The following BPIFB3 variants were observed in gnomAD, a reference collection of about 807,000 sequenced individuals.
The protein encoded by BPIFB3 is BPI fold-containing family B member 3.
Under a neutral mutation model 53.1 loss-of-function variants are expected in BPIFB3, and 49 were observed. That is an observed-to-expected ratio of 0.92 (90% CI 0.73 to 1.17). The LOEUF is 1.17. Ranked by LOEUF, BPIFB3 falls within the 50% of genes most tolerant of loss-of-function variation. The pLI is 0.00. For missense variants in BPIFB3, 628 were observed against 592.5 expected (o/e 1.06, Z -0.62); for synonymous variants, 271 against 269.6 (o/e 1.01, Z -0.05).
At chr20:33,067,837 A>C (rs959407185) in intron 9 of BPIFB3, among the ~76,000 whole-genome samples, 1 of 152,234 alleles carries the variant, frequency 6.6e-6, no homozygotes, top group Non-Finnish European at 1.5e-5. Context: ...ATGTGGCTTC[A>C]GATTCTGTGG....
At chr20:33,064,459 C>T (rs951865041) in exon 7 of BPIFB3, 1 of 1,613,910 alleles carries the variant, frequency 6.2e-7, no homozygotes, top group Non-Finnish European at 8.5e-7. Context: ...CCACGCAGGC[C>T]TGGTGTCCCT....
chr20:33,068,040 C>T (rs536563005), intron 9 of BPIFB3, among the ~76,000 whole-genome samples: 1 of 152,300 alleles, frequency 6.6e-6, no homozygotes, highest in Admixed American at 6.5e-5. Context: ...TGATTGTGTG[C>T]CTCATTTAGG....
intron 2 of BPIFB3, 52 bp from the exon 4 acceptor site, chr20:33,059,326 C>T (rs1275088495): frequency 3.5e-6 from 5 of 1,438,624 alleles, no homozygotes; most frequent in Admixed American, 1.9e-5. Flanking sequence ...TGGGCGCCGC[C>T]TGGGCTGGGA....
chr20:33,059,939 G>C (rs371950669), exon 4 of BPIFB3: 55 of 1,613,998 alleles, frequency 3.4e-5, no homozygotes, highest in Non-Finnish European at 4.5e-5. Flanking sequence ...ACGTGACATC[G>C]CGGGTGGCGC....
chr20:33,060,129 G>T (rs2424936), intron 4 of BPIFB3, 98 bp downstream of exon 5: 792,437 of 1,499,754 alleles, frequency 0.53, 212,974 homozygotes, highest in East Asian at 0.84. Context: ...GCCAGCTGCG[G>T]GGGCCTGAAC....
intron 3 of BPIFB3, 100 bp from the exon 5 acceptor site, chr20:33,059,790 AG>A: frequency 1.4e-6 from 2 of 1,475,026 alleles, no homozygotes; most frequent in Non-Finnish European, 1.8e-6. Context: ...GAGGCTGAGA[AG>A]GGGGCACAGA....
intron 3 of BPIFB3, 80 bp from the exon 5 acceptor site, chr20:33,059,811 A>G (rs1980368169): frequency 6.5e-7 from 1 of 1,547,570 alleles, no homozygotes; most frequent in African/African-American, 1.4e-5. Flanking sequence ...AGCCTAGGCC[A>G]CTGGCAGGGC....
At chr20:33,073,591 ACCGTGGCAT>A in exon 15 of BPIFB3, 1 of 1,614,076 alleles carries the variant, frequency 6.2e-7, no homozygotes, top group Non-Finnish European at 8.5e-7. Context: ...TGTTGTGCTG[ACCGTGGCAT>A]CCTGAGGCTG....
At chr20:33,071,429 G>C in intron 12 of BPIFB3, 134 bp downstream of exon 13, 1 of 1,036,808 alleles carries the variant, frequency 9.6e-7, no homozygotes, top group African/African-American at 1.6e-5. Flanking sequence ...AATTAAGCCA[G>C]AGTGGGCAAA....
intron 12 of BPIFB3, 90 bp from the exon 14 acceptor site, chr20:33,072,014 C>G: frequency 1.4e-6 from 2 of 1,395,938 alleles, no homozygotes; most frequent in Non-Finnish European, 2.0e-6. Context: ...AGCTGGGCCC[C>G]TGGGTTTCTC....
intron 8 of BPIFB3, among the ~76,000 whole-genome samples, chr20:33,065,404 G>C (rs1980627990): frequency 6.6e-6 from 1 of 152,048 alleles, no homozygotes; most frequent in African/African-American, 2.4e-5. Context: ...CCAGTTACTT[G>C]GGAGGCTGAG....
At chr20:33,063,532 A>G in intron 5 of BPIFB3, 83 bp from the exon 7 acceptor site, 1 of 1,470,396 alleles carries the variant, frequency 6.8e-7, no homozygotes, top group Non-Finnish European at 9.5e-7. Context: ...ACATAGCAGC[A>G]GATAGCAAAG....
chr20:33,064,736 C>G, exon 8 of BPIFB3: 1 of 1,614,146 alleles, frequency 6.2e-7, no homozygotes, highest in Non-Finnish European at 8.5e-7. Context: ...AAGGTGCCCC[C>G]CAAGAAGGAC....
chr20:33,067,203 T>C (rs1980705621), intron 9 of BPIFB3, among the ~76,000 whole-genome samples: 1 of 152,192 alleles, frequency 6.6e-6, no homozygotes, highest in African/African-American at 2.4e-5. Flanking sequence ...CTGACCTTAG[T>C]CTTCAATGTC....
chr20:33,066,677 A>T (rs897337825), intron 8 of BPIFB3, 147 bp from the exon 10 acceptor site: 1 of 738,208 alleles, frequency 1.4e-6, no homozygotes, highest in Non-Finnish European at 2.4e-6. Context: ...TTGCTAGCTG[A>T]TAGAACAAAC....
At position 33,059,515 on chromosome 20, in the gene BPIFB3, C is replaced by T. The variant is rs775621859; in HGVS notation, c.386+33C>T. The T allele has an allele frequency of 5.4e-6, 8 of 1,492,542 alleles. No individual in the cohort carries two copies. The South Asian group carries it at 9.4e-5, about 18-fold the overall frequency. 92.5% of individuals were successfully genotyped at this position (1,492,542 alleles called of 1,614,324 possible). A position where few individuals can be genotyped will look rare whatever the true frequency, so the allele number is the denominator to read the frequency against. On this transcript the variant is annotated intron_variant, in intron 3 of 14. Coordinates refer to ENST00000375494, the Ensembl canonical transcript of BPIFB3. ...TGTCCTGGGGACCTCTACCCTCCTG[C>T]TTCCTATCCCACCCCCTGACCTGTT...
At chr20:33,057,329 C>T (rs564963873) in intron 2 of BPIFB3, among the ~76,000 whole-genome samples, 1 of 152,260 alleles carries the variant, frequency 6.6e-6, no homozygotes, top group South Asian at 2.1e-4. Context: ...GCTGGGATTA[C>T]AGGCGCCCAC....
upstream of BPIFB3, chr20:33,055,282 G>A: frequency 3.9e-6 from 5 of 1,278,250 alleles, no homozygotes; most frequent in South Asian, 1.4e-5. Flanking sequence ...ACATTTGGGA[G>A]GAGAAGGCTT....
intron 12 of BPIFB3, 138 bp from the exon 14 acceptor site, chr20:33,071,966 C>A: frequency 3.7e-6 from 3 of 811,300 alleles, no homozygotes; most frequent in Non-Finnish European, 6.3e-6. Context: ...CCAGTGCCTG[C>A]CAGGAGCTGT....
Sources: gnomAD v4.1 joint callset for allele counts (sites outside exome capture counted in the v4.1 genomes callset) on GRCh38, gnomAD v4.1.1 for gene constraint, MANE v1.5 for transcripts, NCBI Gene and HGNC (gene_info 2026-07-23, HGNC 2026-07-21) for gene names.